Variants in IGSF21 observed in about 807,000 individuals in gnomAD.
IGSF21 encodes the protein immunoglobin superfamily member 21, also known as immunoglobulin superfamily member 21.
IGSF21 carries 28 observed loss-of-function variants against 46.8 expected under a neutral mutation model. That is an observed-to-expected ratio of 0.60 (90% CI 0.44 to 0.82). The LOEUF is 0.82. Among genes scored for constraint, IGSF21 ranks in the 40% least tolerant of loss-of-function variants. The probability of loss-of-function intolerance (pLI) is 0.00; values close to 1 mark genes in which losing one functional copy is unlikely to be tolerated. For missense variants in IGSF21, 624 were observed against 665.5 expected (o/e 0.94, Z 0.69); for synonymous variants, 284 against 273.6 (o/e 1.04, Z -0.38).
In IGSF21 at chr1:18,322,807, T is replaced by G. The variant is rs1013765834; in HGVS notation, c.306-12085T>G. ...GACCTGGAGGAGGAAGTGGTTTCCATGGCAGCAGCCAGAGTCTGGAAAAGA... is the reference window on the plus strand; with the variant it reads ...GACCTGGAGGAGGAAGTGGTTTCCAGGGCAGCAGCCAGAGTCTGGAAAAGA... On this transcript the variant is annotated intron_variant, in intron 3 of 9. Coordinates refer to ENST00000251296, the MANE Select transcript of IGSF21 (RefSeq NM_032880.5). This position sits in a 1 kb window ranked among gnomAD's most constrained non-coding sequence, Gnocchi z 4.3. Among the ~76,000 whole-genome samples the G allele has an allele frequency of 1.6e-4, 24 of 148,328 alleles. No individual in the cohort carries two copies. The highest frequency in any genetic ancestry group is 2.9e-4 in the African/African-American group (12 of 40,810).
At chr1:18,267,812 A>G (rs1440214001) in intron 2 of IGSF21, among the ~76,000 whole-genome samples, 1 of 152,178 alleles carries the variant, frequency 6.6e-6, no homozygotes, top group Non-Finnish European at 1.5e-5. Flanking sequence ...CTGCAGGCCA[A>G]CTCTGGGCCA....
At chr1:18,329,920 C>T (rs962395913) in intron 3 of IGSF21, among the ~76,000 whole-genome samples, 5 of 152,226 alleles carry the variant, frequency 3.3e-5, no homozygotes, top group Non-Finnish European at 7.3e-5. Flanking sequence ...TCCGCCCTCG[C>T]TGTGCCTGGC....
intron 2 of IGSF21, among the ~76,000 whole-genome samples, chr1:18,285,528 C>T (rs1334475512): frequency 6.6e-6 from 1 of 152,122 alleles, no homozygotes; most frequent in Non-Finnish European, 1.5e-5. Flanking sequence ...CCTCAGTTTC[C>T]TCATGGAACA....
At position 18,378,260 on chromosome 1, in the gene IGSF21, C is replaced by T. The variant is rs2086305966; in HGVS notation, c.1338C>T (p.Ser446=). 7 of 1,613,946 alleles carry T rather than the reference C, an allele frequency of 4.3e-6. No individual in the cohort carries two copies. Among genetic ancestry groups the T allele is most frequent in the Non-Finnish European group, 5.9e-6 (7 of 1,179,910 alleles). ...IPRGTEDSNG[S]IGPTGARLTL... ...TTTCCCTGATTCCTGGCACAGGTTC[C>T]ATTGGCCCCACTGGTGCCCGGCTCA... The change falls in exon 10 of 10, where the codon TCC becomes TCT. Residue 446 remains serine (S), a synonymous_variant. Transcript: ENST00000251296.
At chr1:18,338,440 C>A (rs534818509) in intron 4 of IGSF21, among the ~76,000 whole-genome samples, 1 of 152,242 alleles carries the variant, frequency 6.6e-6, no homozygotes, top group East Asian at 1.9e-4. Context: ...CCACTGCAGC[C>A]AAACTGGGGC....
chr1:18,187,765 G>A (rs1385937301), intron 1 of IGSF21, among the ~76,000 whole-genome samples: 1 of 151,916 alleles, frequency 6.6e-6, no homozygotes, highest in Non-Finnish European at 1.5e-5. Flanking sequence ...TTAGGGCTAG[G>A]GCTTCAACAT....
intron 2 of IGSF21, among the ~76,000 whole-genome samples, chr1:18,248,483 G>A (rs571378751): frequency 1.7e-4 from 26 of 152,134 alleles, no homozygotes; most frequent in Non-Finnish European, 2.8e-4. Context: ...CGCTGTTGTG[G>A]CTTTCTAGAA....
intron 1 of IGSF21, among the ~76,000 whole-genome samples, chr1:18,134,742 C>A (rs2086353790): frequency 6.6e-6 from 1 of 152,200 alleles, no homozygotes; most frequent in African/African-American, 2.4e-5. Context: ...CCCCAGCACC[C>A]AAGCCCAGGT....
chr1:18,273,037 A>ATTTTTTTTTTTTTT (rs2085057685), intron 2 of IGSF21, among the ~76,000 whole-genome samples: 6 of 90,196 alleles, frequency 6.7e-5, no homozygotes, highest in Non-Finnish European at 1.4e-4. Flanking sequence ...AGCCAGACGG[A>ATTTTTTTTTTTTTT]TCTTTTTTTT....
chr1:18,184,745 C>G (rs2086887881), intron 1 of IGSF21, among the ~76,000 whole-genome samples: 2 of 152,182 alleles, frequency 1.3e-5, no homozygotes, highest in Admixed American at 1.3e-4. Flanking sequence ...CTCCCTCCCC[C>G]AGCTCCTCTT....
At chr1:18,148,500 A>G (rs573470572) in intron 1 of IGSF21, among the ~76,000 whole-genome samples, 1 of 152,324 alleles carries the variant, frequency 6.6e-6, no homozygotes, top group African/African-American at 2.4e-5. Context: ...AAGCTAAGTC[A>G]CTTGCCCAAG....
At chr1:18,199,534 C>T (rs1302338123) in intron 1 of IGSF21, among the ~76,000 whole-genome samples, 1 of 152,158 alleles carries the variant, frequency 6.6e-6, no homozygotes, top group Non-Finnish European at 1.5e-5. Context: ...CATCCGACTC[C>T]ACAGTTCTCA....
rs1350798168 is a variant in IGSF21, at chr1:18,290,897, G to A, written c.184-969G>A. 6.6e-6 allele frequency among the ~76,000 whole-genome samples: 1 copy of A among 151,894 alleles called. No homozygotes were observed. Among genetic ancestry groups the A allele is most frequent in the East Asian group, 2.0e-4 (1 of 5,126 alleles). Reference sequence around the variant, plus strand: ...CAGGGAGCTAATTCCACTTCTCTAGGCCCAGGCATGAGGCCTCCCCATTGC... The same window carrying A: ...CAGGGAGCTAATTCCACTTCTCTAGACCCAGGCATGAGGCCTCCCCATTGC... On this transcript the variant is annotated intron_variant, in intron 2 of 9. Coordinates refer to ENST00000251296, the MANE Select transcript of IGSF21 (RefSeq NM_032880.5). This position sits in a 1 kb window ranked among gnomAD's most constrained non-coding sequence, Gnocchi z 4.2.
chr1:18,306,985 A>G (rs183833976), intron 3 of IGSF21, among the ~76,000 whole-genome samples: 38 of 152,304 alleles, frequency 2.5e-4, no homozygotes, highest in Admixed American at 6.5e-4. Context: ...GGTTCTGCGT[A>G]TTCGCATTTG....
chr1:18,226,620 T>TC (rs2084569628), intron 1 of IGSF21, among the ~76,000 whole-genome samples: 1 of 152,200 alleles, frequency 6.6e-6, no homozygotes, highest in African/African-American at 2.4e-5. Flanking sequence ...CCGCTCTGAC[T>TC]CCAACTTCCA....
chr1:18,197,302 G>C (rs1289028483), intron 1 of IGSF21, among the ~76,000 whole-genome samples: 1 of 152,170 alleles, frequency 6.6e-6, no homozygotes, highest in Non-Finnish European at 1.5e-5. Flanking sequence ...AAGCCTGTGG[G>C]GTGTCTGGAC....
At chr1:18,376,488 T>A in intron 7 of IGSF21, 93 bp downstream of exon 7, 1 of 937,994 alleles carries the variant, frequency 1.1e-6, no homozygotes, top group Non-Finnish European at 1.8e-6. Context: ...TCTAACACTC[T>A]TCCTTTGATC....
chr1:18,357,886 T>C (rs566281036), intron 4 of IGSF21, among the ~76,000 whole-genome samples: 123 of 152,264 alleles, frequency 8.1e-4, no homozygotes, highest in African/African-American at 2.9e-3. Flanking sequence ...TTAACAGCTC[T>C]GCTATGTCAT....
chr1:18,343,959 C>T (rs1171434469), intron 4 of IGSF21, among the ~76,000 whole-genome samples: 1 of 152,140 alleles, frequency 6.6e-6, no homozygotes, highest in Non-Finnish European at 1.5e-5. Flanking sequence ...TACCCTGGGA[C>T]TGGTGAGGGT....
Sources: allele counts gnomAD v4.1 joint callset (sites outside exome capture counted in the v4.1 genomes callset), GRCh38; gene constraint gnomAD v4.1.1; non-coding constraint Gnocchi (gnomAD v3.1); transcripts MANE v1.5; gene names NCBI Gene and HGNC (gene_info 2026-07-23, HGNC 2026-07-21).